Variants in CDH1 observed in about 807,000 individuals in gnomAD.
CDH1 encodes the protein cadherin-1.
A neutral mutation model predicts 84.5 loss-of-function variants in CDH1; 35 were observed. The ratio of observed to expected loss-of-function variants is 0.41; its 90% CI spans 0.32 to 0.55. The LOEUF is 0.55. Ranked by LOEUF, CDH1 falls within the 20% of genes least tolerant of loss-of-function variation. CDH1 has a pLI of 0.19. For synonymous variants in CDH1, 417 were observed against 439.0 expected (o/e 0.95, Z 0.63); for missense variants, 994 against 1,126.6 (o/e 0.88, Z 1.68).
At chr16:68,816,500 C>T (rs1390967765) in intron 10 of CDH1, among the ~76,000 whole-genome samples, 2 of 152,294 alleles carry the variant, frequency 1.3e-5, no homozygotes, top group South Asian at 2.1e-4. Flanking sequence ...AATCCCAAAA[C>T]TTAGGGAGGC....
At chr16:68,809,487 C>G (rs1160890699) in intron 5 of CDH1, among the ~76,000 whole-genome samples, 2 of 151,138 alleles carry the variant, frequency 1.3e-5, no homozygotes, top group East Asian at 3.9e-4. Context: ...CAGGAGGGAG[C>G]CACTGCACCC....
intron 2 of CDH1, among the ~76,000 whole-genome samples, chr16:68,752,970 A>G (rs1405818216): frequency 6.6e-6 from 1 of 152,178 alleles, no homozygotes; most frequent in African/African-American, 2.4e-5. Context: ...ATTGTTCAAG[A>G]ACCGATGTCT....
At chr16:68,758,958 G>A (rs1214876168) in intron 2 of CDH1, among the ~76,000 whole-genome samples, 2 of 151,802 alleles carry the variant, frequency 1.3e-5, no homozygotes, top group Non-Finnish European at 2.9e-5. Context: ...ACCATGCCTG[G>A]CTAATTTTTT....
intron 2 of CDH1, among the ~76,000 whole-genome samples, chr16:68,738,947 T>TA: frequency 2.4e-5 from 2 of 82,756 alleles, no homozygotes; most frequent in Non-Finnish European, 5.2e-5. Context: ...TTTTTTTTTT[T>TA]TTTTTTTTTT....
chr16:68,774,252 C>T (rs534288320), intron 2 of CDH1, among the ~76,000 whole-genome samples: 3 of 152,270 alleles, frequency 2.0e-5, no homozygotes, highest in Admixed American at 6.5e-5. Flanking sequence ...TGGCTGGGTG[C>T]GGTCGCTCAT....
Position 68,833,196 on chromosome 16 carries a change from A to G in CDH1, c.2440-94A>G, listed in dbSNP as rs562117978. On this transcript the variant is annotated intron_variant, in intron 15 of 15. Coordinates refer to ENST00000261769, the MANE Select transcript of CDH1 (RefSeq NM_004360.5). ...CGTGGTGTGCCACAAGTCTGGGTGCATTGTCGTACCTTACATATTGCTAGA... is the reference window on the plus strand; with the variant it reads ...CGTGGTGTGCCACAAGTCTGGGTGCGTTGTCGTACCTTACATATTGCTAGA... 2.9e-5 allele frequency: 31 copies of G among 1,068,502 alleles called. No individual in the cohort carries two copies. The African/African-American group carries it at 4.8e-4, about 17-fold the overall frequency. The allele number at this position is 1,068,502 out of a possible 1,614,324, so 66.2% of individuals were successfully genotyped here.
chr16:68,809,376 G>A (rs1056258309), intron 5 of CDH1, among the ~76,000 whole-genome samples: 2 of 151,804 alleles, frequency 1.3e-5, no homozygotes, highest in Non-Finnish European at 2.9e-5. Flanking sequence ...AATTTTTTGC[G>A]TTTTTATTAG....
chr16:68,811,959 A>G, intron 7 of CDH1, 100 bp downstream of exon 7: 1 of 1,472,082 alleles, frequency 6.8e-7, no homozygotes, highest in South Asian at 1.2e-5. Context: ...GTCAGTTAAT[A>G]CAGTGATGGT....
rs147135186 is a variant in CDH1, at chr16:68,811,144, C to T, written c.833-540C>T. 2.3e-3 allele frequency among the ~76,000 whole-genome samples: 354 copies of T among 151,228 alleles called. 2 individuals carry two copies. The highest frequency in any genetic ancestry group is 8.3e-3 in the African/African-American group (342 of 41,226). On this transcript the variant is annotated intron_variant, in intron 6 of 15. Transcript: ENST00000261769. The stretch of plus-strand genomic sequence containing the variant: ...TGGGTGTGGTGGTTCACACCTGTAA[C>T]CCCAGCACTTTGGGAGGCCAAGGTG...
chr16:68,764,665 G>A (rs957131772), intron 2 of CDH1, among the ~76,000 whole-genome samples: 3 of 152,240 alleles, frequency 2.0e-5, no homozygotes, highest in Non-Finnish European at 4.4e-5. Context: ...CTCCCTGTGT[G>A]TTCTTGGAGA....
chr16:68,823,018 A>G, intron 12 of CDH1: 1 of 285,558 alleles, frequency 3.5e-6, no homozygotes, highest in Non-Finnish European at 6.7e-6. Flanking sequence ...TCAAGAAGAT[A>G]GGTGACCACC....
At chr16:68,813,955 G>T (rs1960915252) in intron 9 of CDH1, among the ~76,000 whole-genome samples, 1 of 149,694 alleles carries the variant, frequency 6.7e-6, no homozygotes, top group African/African-American at 2.4e-5. Context: ...GGGAAAAGGA[G>T]GCCGGGCGTG....
Position 68,829,753 on chromosome 16 carries a change from C to T in CDH1, c.2395C>T (p.Pro799Ser), listed in dbSNP as rs1596972749. Residue 799 changes from proline to serine, a missense_variant, in exon 15 of 16, where the codon CCC becomes TCC. By Grantham distance (74) the Pro-to-Ser change is moderately conservative. Coordinates refer to ENST00000261769, the MANE Select transcript of CDH1 (RefSeq NM_004360.5). ...PTLMSVPRYL[P>S]RPANPDEIGN... Reference sequence around the variant, plus strand: ...CCTCATGAGTGTCCCCCGGTATCTTCCCCGCCCTGCCAATCCCGATGAAAT... The same window carrying T: ...CCTCATGAGTGTCCCCCGGTATCTTTCCCGCCCTGCCAATCCCGATGAAAT... 6.2e-7 allele frequency: 1 copy of T among 1,613,954 alleles called. No homozygotes were observed.
intron 2 of CDH1, among the ~76,000 whole-genome samples, chr16:68,771,949 C>T (rs529004772): frequency 1.4e-4 from 22 of 152,194 alleles, no homozygotes; most frequent in African/African-American, 5.3e-4. Flanking sequence ...TGAATCATCC[C>T]ATCCCCTTAG....
chr16:68,811,523 C>T (rs952175172), intron 6 of CDH1, among the ~76,000 whole-genome samples, 161 bp from the exon 7 acceptor site: 2 of 151,986 alleles, frequency 1.3e-5, no homozygotes, highest in Non-Finnish European at 2.9e-5. Context: ...CTTTCTTTCT[C>T]CCCTAGCACT....
At chr16:68,823,256 G>C in intron 12 of CDH1, 143 bp from the exon 13 acceptor site, 1 of 531,462 alleles carries the variant, frequency 1.9e-6, no homozygotes, top group South Asian at 2.4e-5. Context: ...AAAAAAAAAA[G>C]TACATACCTA....
intron 2 of CDH1, among the ~76,000 whole-genome samples, chr16:68,745,584 A>AATATATGTGTATATATGTATGTGTATAT (rs1567475328): frequency 2.2e-4 from 10 of 45,276 alleles, no homozygotes; most frequent in African/African-American, 7.4e-4. Flanking sequence ...ATGTATGTGT[A>AATATATGTGTATATATGTATGTGTATAT]ATATATGTGT....
chr16:68,768,856 G>A (rs1172101604), intron 2 of CDH1, among the ~76,000 whole-genome samples: 2 of 152,104 alleles, frequency 1.3e-5, no homozygotes, highest in Non-Finnish European at 2.9e-5. Context: ...AAAGTAAATC[G>A]TTATCCAACA....
intron 2 of CDH1, among the ~76,000 whole-genome samples, chr16:68,742,285 C>CTT (rs971880052): frequency 6.9e-6 from 1 of 145,756 alleles, no homozygotes; most frequent in African/African-American, 2.5e-5. Context: ...ATTTCCCCTC[C>CTT]TTTTTTTTTT....
Sources: allele counts gnomAD v4.1 joint callset (sites outside exome capture counted in the v4.1 genomes callset), GRCh38; gene constraint gnomAD v4.1.1; transcripts MANE v1.5; gene names NCBI Gene and HGNC (gene_info 2026-07-23, HGNC 2026-07-21).